Variants in EHBP1L1 observed in about 807,000 individuals in gnomAD.
EHBP1L1 encodes the protein EH domain-binding protein 1-like protein 1.
EHBP1L1 carries 122 observed loss-of-function variants against 151.1 expected under a neutral mutation model. The observed-to-expected ratio is 0.81, with a 90% CI of 0.70 to 0.94. The LOEUF (loss-of-function observed/expected upper bound fraction) is 0.94. Ranked by LOEUF, EHBP1L1 falls within the 40% of genes least tolerant of loss-of-function variation. The probability of loss-of-function intolerance (pLI) is 0.00; values close to 1 mark genes in which losing one functional copy is unlikely to be tolerated. For synonymous variants in EHBP1L1, 878 were observed against 810.1 expected (o/e 1.08, Z -1.42); for missense variants, 1,941 against 1,959.8 (o/e 0.99, Z 0.18).
intron 12 of EHBP1L1, among the ~76,000 whole-genome samples, chr11:65,588,907 G>T (rs1858114115): frequency 6.6e-6 from 1 of 152,180 alleles, no homozygotes; most frequent in African/African-American, 2.4e-5. Context: ...GGAGGTGCTG[G>T]CTCAGGAGGG....
rs1858375629 is a variant in EHBP1L1 at position 65,592,295 on chromosome 11, T to C, written c.4565T>C (p.Leu1522Pro). 2 of 1,498,744 alleles carry C rather than the reference T, an allele frequency of 1.3e-6. No individual in the cohort carries two copies. The highest frequency in any genetic ancestry group is 4.5e-5 in the Admixed American group (2 of 44,480). The allele number at this position is 1,498,744 out of a possible 1,614,324, so 92.8% of individuals were successfully genotyped here. A position where few individuals can be genotyped will look rare whatever the true frequency, so the allele number is the denominator to read the frequency against. The stretch of plus-strand genomic sequence containing the variant: ...TTGAGCCGGCGGGAGCGCTGCGTGC[T>C]GAGCTGAGGCCGCCGGCCCGGGTGG... ...RQLSRRERCV[L>P]S The change falls in exon 19 of 19, where the codon CTG (leucine) becomes CCG (proline). Residue 1522 changes from leucine (L) to proline (P), a missense_variant. Physicochemically the swap from Leu to Pro is moderately conservative, Grantham distance 98. Transcript: ENST00000309295.
chr11:65,581,230 T>C lies in EHBP1L1; in HGVS notation c.723T>C (p.Ala241=). ...TCTCAGTTGCCAGCCCTTCTAATGC[T>C]GAGGATACCAGCCCAGCCCCTGTGA... ...PQQAVASPSN[A]EDTSPAPVSA... Residue 241 remains alanine (A), a synonymous_variant, in exon 8 of 19, where the codon GCT becomes GCC. Transcript: ENST00000309295. 2 of 1,610,392 alleles carry C rather than the reference T, an allele frequency of 1.2e-6. No individual in the cohort carries two copies. Among genetic ancestry groups the C allele is most frequent in the Non-Finnish European group, 1.7e-6 (2 of 1,178,558 alleles).
Position 65,583,034 on chromosome 11 carries a change from G to C in EHBP1L1, c.2362G>C (p.Gly788Arg), listed in dbSNP as rs1857718776. The stretch of plus-strand genomic sequence containing the variant: ...AGCATCTAGGGATTCAGGGGTCCCA[G>C]GGTTAGAAGCTGATACAACAGGGAT... ...EIASRDSGVP[G>R]LEADTTGIQV... Residue 788 changes from glycine to arginine, a missense_variant, in exon 9 of 19, where the codon GGG (glycine) becomes CGG (arginine). Coordinates refer to ENST00000309295, the MANE Select transcript of EHBP1L1 (RefSeq NM_001099409.3). 2 of 1,613,052 alleles carry C rather than the reference G, an allele frequency of 1.2e-6. No individual in the cohort carries two copies.
At position 65,579,199 on chromosome 11, in the gene EHBP1L1, GC is replaced by G. The variant is rs1857469316; in HGVS notation, c.162+65del. Reference sequence around the variant, plus strand: ...GGGGGCCGGTGGGAGGCTGATGGGGGCTGATGGGGGAGTGGAGTGAGGTTCA... The same window carrying G: ...GGGGGCCGGTGGGAGGCTGATGGGGGTGATGGGGGAGTGGAGTGAGGTTCA... On this transcript the variant is annotated intron_variant, in intron 2 of 18. Coordinates refer to ENST00000309295, the MANE Select transcript of EHBP1L1 (RefSeq NM_001099409.3). 3.9e-6 allele frequency: 6 copies of G among 1,541,960 alleles called. No homozygotes were observed. The East Asian group carries it at 1.5e-4, about 37-fold the overall frequency.
chr11:65,586,706 C>T (rs1857982000), intron 12 of EHBP1L1, among the ~76,000 whole-genome samples: 1 of 152,208 alleles, frequency 6.6e-6, no homozygotes, highest in Non-Finnish European at 1.5e-5. Flanking sequence ...AGCATTGAGC[C>T]TGTGAGTGAG....
Position 65,584,370 on chromosome 11 carries a change from A to G in EHBP1L1, c.3223A>G (p.Ile1075Val). Reference sequence around the variant, plus strand: ...GCGCAACGGCTTGGCCTTCTGTGCCATCCTGCACCGATTCTACCCAGACAA... The same window carrying G: ...GCGCAACGGCTTGGCCTTCTGTGCCGTCCTGCACCGATTCTACCCAGACAA... ...SWRNGLAFCA[I>V]LHRFYPDKID... is the part of the protein sequence containing the mutation. Residue 1075 changes from isoleucine (I) to valine (V), a missense_variant, in exon 10 of 19, where the codon ATC (isoleucine) becomes GTC (valine). Physicochemically the swap from Ile to Val is conservative, Grantham distance 29. Transcript: ENST00000309295. The G allele has an allele frequency of 1.9e-6, 3 of 1,612,564 alleles. No homozygotes were observed. The highest frequency in any genetic ancestry group is 2.5e-6 in the Non-Finnish European group (3 of 1,179,122).
Position 65,585,192 on chromosome 11 carries a change from G to A in EHBP1L1, c.3534G>A (p.Leu1178=). 3 of 1,232,190 alleles carry A rather than the reference G, an allele frequency of 2.4e-6. No homozygotes were observed. The highest frequency in any genetic ancestry group is 4.1e-5 in the East Asian group (1 of 24,680). 76.3% of individuals were successfully genotyped at this position (1,232,190 alleles called of 1,614,324 possible). ...CCGACGACCTGGACGCCGGAGGCCT[G>A]GCGCAGCGGCTGCGCGGTCACGGGG... ...SPPDDLDAGG[L]AQRLRGHGAE... is the part of the protein sequence containing the mutation. Residue 1178 remains leucine (L), a synonymous_variant, in exon 12 of 19, where the codon CTG becomes CTA. Transcript: ENST00000309295. This position sits in a 1 kb window ranked among gnomAD's most constrained non-coding sequence, Gnocchi z 4.0.
rs528999723 is a variant in EHBP1L1 at position 65,577,527 on chromosome 11, C to T, written c.104+1121C>T. ...AGGCTGAGGGTGCCGGCAGTGTCAA[C>T]GCAGCTGAGTCACAGGCGGCTGTGG... On this transcript the variant is annotated intron_variant, in intron 1 of 18. Coordinates refer to ENST00000309295, the MANE Select transcript of EHBP1L1 (RefSeq NM_001099409.3). 7.2e-5 allele frequency among the ~76,000 whole-genome samples: 11 copies of T among 152,302 alleles called. No individual in the cohort carries two copies. In the South Asian group the frequency reaches 1.0e-3, roughly 14 times the overall value.
Position 65,581,344 on chromosome 11 carries a change from A to G in EHBP1L1, c.837A>G (p.Pro279=). Residue 279 remains proline (P), a synonymous_variant, in exon 8 of 19, where the codon CCA becomes CCG. Transcript: ENST00000309295. The part of the protein sequence containing the change: ...EAGGQVGPEA[P]RPPETSPEMR... ...GGGGCCAGGTAGGCCCTGAGGCCCC[A>G]AGGCCCCCGGAAACCTCACCAGAGA... is the stretch of plus-strand genomic sequence containing the variant. The G allele has an allele frequency of 6.3e-7, 1 of 1,588,448 alleles. No individual in the cohort carries two copies. Among genetic ancestry groups the G allele is most frequent in the South Asian group, 1.1e-5 (1 of 88,416 alleles).
intron 9 of EHBP1L1, 137 bp from the exon 10 acceptor site, chr11:65,584,104 A>C: frequency 4.7e-6 from 7 of 1,482,220 alleles, no homozygotes; most frequent in Non-Finnish European, 6.2e-6. Context: ...CCTGGCCCCA[A>C]GGCTCTAGCC....
intron 3 of EHBP1L1, 105 bp downstream of exon 3, chr11:65,579,541 G>A: frequency 1.0e-6 from 1 of 1,002,040 alleles, no homozygotes; most frequent in Non-Finnish European, 1.4e-6. Flanking sequence ...AGAAGAGGAT[G>A]CGGGGGGTGA....
chr11:65,592,008 G>A lies in EHBP1L1; in HGVS notation c.4390G>A (p.Glu1464Lys). 1 of 1,613,368 alleles carries A rather than the reference G, an allele frequency of 6.2e-7. No individual in the cohort carries two copies. Among genetic ancestry groups the A allele is most frequent in the Non-Finnish European group, 8.5e-7 (1 of 1,179,640 alleles). Residue 1464 changes from glutamate (E) to lysine (K), a missense_variant, in exon 18 of 19, where the codon GAG becomes AAG. Glu to Lys is a moderately conservative substitution (Grantham distance 56). Coordinates refer to ENST00000309295, the MANE Select transcript of EHBP1L1 (RefSeq NM_001099409.3). ...WQKTSAQQHREQLLLEELVSL... is the reference protein window; with the variant it reads ...WQKTSAQQHRKQLLLEELVSL... ...GAAAACGTCCGCTCAGCAGCACCGA[G>A]AGCAGCTCCTACTGGAGGAGCTGGT... is the stretch of plus-strand genomic sequence containing the variant.
chr11:65,591,731 G>C, intron 16 of EHBP1L1, 69 bp from the exon 17 acceptor site: 1 of 1,279,762 alleles, frequency 7.8e-7, no homozygotes, highest in Non-Finnish European at 1.1e-6. Context: ...AGAGCCCTGG[G>C]CACTCTCTCC....
In EHBP1L1 at chr11:65,580,377, A is replaced by G. The variant is rs756089852; in HGVS notation, c.532A>G (p.Lys178Glu). 2 of 1,613,800 alleles carry G rather than the reference A, an allele frequency of 1.2e-6. No individual in the cohort carries two copies. The highest frequency in any genetic ancestry group is 2.2e-5 in the East Asian group (1 of 44,880). Residue 178 changes from lysine to glutamate, a missense_variant, in exon 6 of 19, where the codon AAG (lysine) becomes GAG (glutamate). Transcript: ENST00000309295. ...GAGTCTCGCAAGCCTCATGAGTGTG[A>G]AGCCTAGTGATGTGGGCAACTTGGA... ...MQSLASLMSV[K>E]PSDVGNLDDF...
At chr11:65,587,868 G>A (rs1484189356) in intron 12 of EHBP1L1, among the ~76,000 whole-genome samples, 2 of 152,202 alleles carry the variant, frequency 1.3e-5, no homozygotes, top group Non-Finnish European at 2.9e-5. Context: ...GGGGAGGGTC[G>A]TGGTCCCTGC....
chr11:65,590,681 CT>C, intron 16 of EHBP1L1, 89 bp downstream of exon 16: 1 of 1,162,012 alleles, frequency 8.6e-7, no homozygotes. Flanking sequence ...CTACAGAGAT[CT>C]TTTTGACAAA....
chr11:65,590,251 A>C (rs1858200223), intron 15 of EHBP1L1, 41 bp downstream of exon 15: 1 of 1,607,702 alleles, frequency 6.2e-7, no homozygotes, highest in Admixed American at 1.7e-5. Flanking sequence ...AACACATGCC[A>C]CTAGGTCTGT....
At chr11:65,591,369 T>C in intron 16 of EHBP1L1, 1 of 247,704 alleles carries the variant, frequency 4.0e-6, no homozygotes, top group Non-Finnish European at 8.0e-6. Context: ...GCCTTTACAG[T>C]AAGGAAAACA....
chr11:65,585,456 C>T lies in EHBP1L1; in HGVS notation c.3798C>T (p.Pro1266=). 1 of 1,525,156 alleles carries T rather than the reference C, an allele frequency of 6.6e-7. No homozygotes were observed. Among genetic ancestry groups the T allele is most frequent in the Non-Finnish European group, 8.8e-7 (1 of 1,141,180 alleles). The allele number at this position is 1,525,156 out of a possible 1,614,324, so 94.5% of individuals were successfully genotyped here. A position where few individuals can be genotyped will look rare whatever the true frequency, so the allele number is the denominator to read the frequency against. The change falls in exon 12 of 19, where the codon CCC becomes CCT. Residue 1266 remains proline, a synonymous_variant. Transcript: ENST00000309295. This position sits in a 1 kb window ranked among gnomAD's most constrained non-coding sequence, Gnocchi z 4.0. ...PSVNGEPGSV[P]PPRAHGSFSH... is the part of the protein sequence containing the mutation. ...TCAACGGGGAGCCCGGGTCGGTGCC[C>T]CCGCCCCGCGCGCACGGCTCCTTCT...
Sources: gnomAD v4.1 joint callset for allele counts (sites outside exome capture counted in the v4.1 genomes callset) on GRCh38, gnomAD v4.1.1 for gene constraint, Gnocchi (gnomAD v3.1) non-coding constraint, MANE v1.5 for transcripts, NCBI Gene and HGNC (gene_info 2026-07-23, HGNC 2026-07-21) for gene names.